Variants in SNX29 observed in about 807,000 individuals in gnomAD.
The protein encoded by SNX29 is sorting nexin-29.
In SNX29, 78 loss-of-function variants were observed where a neutral mutation model predicts 102.1. The observed-to-expected ratio is 0.76, with a 90% CI of 0.64 to 0.92. The LOEUF is 0.92. SNX29 is among the 40% of genes least tolerant of loss of function. The pLI is 0.00. For missense variants in SNX29, 1,280 were observed against 1,061.7 expected (o/e 1.21, Z -2.86); for synonymous variants, 580 against 414.5 (o/e 1.40, Z -4.85).
intron 19 of SNX29, among the ~76,000 whole-genome samples, chr16:12,508,162 C>A (rs544370820): frequency 6.6e-6 from 1 of 152,322 alleles, no homozygotes; most frequent in South Asian, 2.1e-4. Context: ...TTGAGTGGTG[C>A]CTGGTGGGCT....
intron 1 of SNX29, among the ~76,000 whole-genome samples, chr16:11,993,875 C>T (rs549427960): frequency 6.6e-6 from 1 of 152,312 alleles, no homozygotes; most frequent in Non-Finnish European, 1.5e-5. Flanking sequence ...AATCCCAACA[C>T]TTTGGAAGGC....
At chr16:12,343,215 C>A (rs903392467) in intron 15 of SNX29, among the ~76,000 whole-genome samples, 14 of 152,198 alleles carry the variant, frequency 9.2e-5, no homozygotes, top group Non-Finnish European at 1.5e-5. Context: ...TTTCAGAATT[C>A]ACATCTTTAT....
At chr16:11,992,499 C>T (rs1268785319) in intron 1 of SNX29, among the ~76,000 whole-genome samples, 1 of 151,732 alleles carries the variant, frequency 6.6e-6, no homozygotes, top group South Asian at 2.1e-4. Context: ...CAGCCCCTGG[C>T]AACCACCTGT....
chr16:12,159,199 A>G (rs965867672), intron 13 of SNX29, among the ~76,000 whole-genome samples: 2 of 152,202 alleles, frequency 1.3e-5, no homozygotes, highest in Non-Finnish European at 2.9e-5. Flanking sequence ...GTATGACGAT[A>G]CCCAGCCAAG....
intron 15 of SNX29, among the ~76,000 whole-genome samples, chr16:12,307,506 C>G (rs1422813718): frequency 1.3e-5 from 2 of 152,186 alleles, no homozygotes; most frequent in Non-Finnish European, 1.5e-5. Context: ...CAGGGCTGGT[C>G]TGGGTACAAT....
chr16:12,229,646 A>C (rs2077713253), intron 14 of SNX29, among the ~76,000 whole-genome samples: 1 of 152,066 alleles, frequency 6.6e-6, no homozygotes, highest in Admixed American at 6.6e-5. Context: ...AAATCAAGGA[A>C]GATAAGTTCC....
chr16:12,553,788 A>C (rs1271979926), intron 20 of SNX29, among the ~76,000 whole-genome samples: 1 of 151,794 alleles, frequency 6.6e-6, no homozygotes, highest in East Asian at 1.9e-4. Flanking sequence ...GGGTTTCACC[A>C]TGTTGGTCAG....
chr16:12,297,450 C>T (rs2080019876), intron 15 of SNX29: 1 of 152,118 alleles, frequency 6.6e-6, no homozygotes, highest in Non-Finnish European at 1.5e-5. Context: ...GCCCCCAAGC[C>T]AAAGCTCTTT....
At chr16:12,312,656 A>G (rs1225514521) in intron 15 of SNX29, among the ~76,000 whole-genome samples, 2 of 145,074 alleles carry the variant, frequency 1.4e-5, no homozygotes, top group African/African-American at 5.2e-5. Context: ...TTCTTTGCTG[A>G]GTGTCAGATG....
intron 18 of SNX29, among the ~76,000 whole-genome samples, chr16:12,444,363 C>T (rs1235024804): frequency 6.6e-6 from 1 of 152,266 alleles, no homozygotes; most frequent in Non-Finnish European, 1.5e-5. Context: ...GCTGCTGTTT[C>T]TTCCCACTGC....
At chr16:12,529,062 C>T (rs1331864353) in intron 20 of SNX29, among the ~76,000 whole-genome samples, 1 of 152,224 alleles carries the variant, frequency 6.6e-6, no homozygotes, top group African/African-American at 2.4e-5. Flanking sequence ...AAGTAATCTG[C>T]CATCTGCACA....
intron 15 of SNX29, among the ~76,000 whole-genome samples, chr16:12,285,255 T>G (rs554117882): frequency 1.0e-3 from 159 of 152,366 alleles, no homozygotes; most frequent in South Asian, 2.3e-3. Context: ...CTCTCCCAGC[T>G]CTTGCTTGCC....
chr16:12,341,157 C>T (rs1371669799), intron 15 of SNX29, among the ~76,000 whole-genome samples: 2 of 152,178 alleles, frequency 1.3e-5, no homozygotes, highest in Non-Finnish European at 2.9e-5. Flanking sequence ...GTATTTGGGG[C>T]TTTCACAGAC....
chr16:12,332,410 C>T (rs771298005), intron 15 of SNX29, among the ~76,000 whole-genome samples: 11 of 152,152 alleles, frequency 7.2e-5, no homozygotes, highest in Admixed American at 4.6e-4. Context: ...ATTTGCTAGT[C>T]GTGCCTGTTA....
At chr16:11,997,260 G>T (rs2056109737) in intron 1 of SNX29, among the ~76,000 whole-genome samples, 2 of 152,082 alleles carry the variant, frequency 1.3e-5, no homozygotes, top group South Asian at 2.1e-4. Flanking sequence ...CTCTCCCCTT[G>T]CTGTTTGCTC....
intron 13 of SNX29, among the ~76,000 whole-genome samples, chr16:12,140,771 G>C (rs114948128): frequency 4.9e-4 from 74 of 152,270 alleles, no homozygotes; most frequent in African/African-American, 1.8e-3. Context: ...AGATATTTCG[G>C]TCTGATATAA....
At chr16:12,067,798 C>T (rs1211583555) in intron 9 of SNX29, among the ~76,000 whole-genome samples, 1 of 152,136 alleles carries the variant, frequency 6.6e-6, no homozygotes, top group Non-Finnish European at 1.5e-5. Context: ...CAAGAAGTTT[C>T]TTGAGTGAGC....
intron 19 of SNX29, among the ~76,000 whole-genome samples, chr16:12,482,793 TTGTC>T (rs1207536348): frequency 6.6e-6 from 1 of 152,236 alleles, no homozygotes; most frequent in African/African-American, 2.4e-5. Flanking sequence ...TCATTGGTGA[TTGTC>T]TGACAGTTTT....
intron 20 of SNX29, among the ~76,000 whole-genome samples, chr16:12,562,783 A>G (rs1315962560): frequency 1.3e-5 from 2 of 152,166 alleles, no homozygotes; most frequent in Non-Finnish European, 2.9e-5. Context: ...TCCTTTAGCC[A>G]TCACCATCAA....
Sources: gnomAD v4.1 joint callset for allele counts (sites outside exome capture counted in the v4.1 genomes callset) on GRCh38, gnomAD v4.1.1 for gene constraint, MANE v1.5 for transcripts, NCBI Gene and HGNC (gene_info 2026-07-23, HGNC 2026-07-21) for gene names.